The following MAML3 variants were observed in gnomAD, a reference collection of about 807,000 sequenced individuals.
The protein encoded by MAML3 is mastermind like transcriptional coactivator 3, also known as mastermind-like protein 3.
In MAML3, 27 loss-of-function variants were observed where a neutral mutation model predicts 101.9. The ratio of observed to expected loss-of-function variants is 0.27; its 90% CI spans 0.20 to 0.37. The LOEUF is 0.37. Ranked by LOEUF, MAML3 falls within the 10% of genes least tolerant of loss-of-function variation. MAML3 has a pLI of 1.00. For missense variants in MAML3, 1,316 were observed against 1,444.9 expected (o/e 0.91, Z 1.45); for synonymous variants, 501 against 555.9 (o/e 0.90, Z 1.39).
At chr4:139,883,724 G>T (rs1401067177) in intron 2 of MAML3, among the ~76,000 whole-genome samples, 2 of 152,074 alleles carry the variant, frequency 1.3e-5, no homozygotes, top group Non-Finnish European at 2.9e-5. Flanking sequence ...TGGCGTGGGT[G>T]AGGCAGGAGA....
intron 2 of MAML3, among the ~76,000 whole-genome samples, chr4:139,869,316 C>T (rs563896227): frequency 6.6e-6 from 1 of 152,280 alleles, no homozygotes; most frequent in East Asian, 1.9e-4. Context: ...TTAGATCCAT[C>T]GAGCTGCGGA....
intron 2 of MAML3, among the ~76,000 whole-genome samples, chr4:139,782,257 C>T (rs1254164841): frequency 5.3e-5 from 8 of 152,164 alleles, no homozygotes; most frequent in Non-Finnish European, 1.2e-4. Context: ...CAAACTTCTG[C>T]ACTCAAGCAG....
intron 1 of MAML3, among the ~76,000 whole-genome samples, chr4:139,909,242 T>A (rs1359687869): frequency 6.6e-6 from 1 of 152,188 alleles, no homozygotes; most frequent in Non-Finnish European, 1.5e-5. Context: ...ATTAGTCAGA[T>A]TATGTCTATA....
chr4:140,065,390 G>T (rs1184250040), intron 1 of MAML3, among the ~76,000 whole-genome samples: 2 of 151,802 alleles, frequency 1.3e-5, no homozygotes, highest in Non-Finnish European at 2.9e-5. Flanking sequence ...GTACATATCA[G>T]CTGGCTCTAC....
chr4:139,890,097 C>T lies in MAML3; in HGVS notation c.1339G>A (p.Val447Met). The change falls in exon 2 of 5, where the codon GTG becomes ATG. Residue 447 changes from valine to methionine, a missense_variant. Physicochemically the swap from Val to Met is conservative, Grantham distance 21 (BLOSUM62 1). Transcript: ENST00000509479. This position sits in a 1 kb window ranked among gnomAD's most constrained non-coding sequence, Gnocchi z 4.1. ...GYLLNPAAVT[V>M]AGSASGPVAV... ...ACAGGCCCTGACGCTGAACCGGCCACTGTCACTGCTGCCGGATTCAGGAGA... is the reference window on the plus strand; with the variant it reads ...ACAGGCCCTGACGCTGAACCGGCCATTGTCACTGCTGCCGGATTCAGGAGA... 6.2e-7 allele frequency: 1 copy of T among 1,613,704 alleles called. No individual in the cohort carries two copies. Among genetic ancestry groups the T allele is most frequent in the South Asian group, 1.1e-5 (1 of 91,076 alleles).
intron 1 of MAML3, among the ~76,000 whole-genome samples, chr4:140,058,373 T>C (rs1727388767): frequency 6.6e-6 from 1 of 152,042 alleles, no homozygotes; most frequent in African/African-American, 2.4e-5. Flanking sequence ...ATTACAGGCA[T>C]GAGCCACCGT....
intron 1 of MAML3, among the ~76,000 whole-genome samples, chr4:140,151,242 G>A (rs1560909694): frequency 6.6e-6 from 1 of 152,062 alleles, no homozygotes; most frequent in South Asian, 2.1e-4. Context: ...GAGGAGGAGG[G>A]AAGGTGCTGC....
intron 2 of MAML3, among the ~76,000 whole-genome samples, chr4:139,736,034 G>A (rs1728929772): frequency 6.6e-6 from 1 of 152,164 alleles, no homozygotes. Context: ...ATTGTTCGTG[G>A]CAGGAAAGAG....
At chr4:139,982,183 A>G (rs1488163449) in intron 1 of MAML3, among the ~76,000 whole-genome samples, 1 of 152,214 alleles carries the variant, frequency 6.6e-6, no homozygotes, top group Non-Finnish European at 1.5e-5. Flanking sequence ...TTATACCAGT[A>G]TAGATTCATG....
intron 2 of MAML3, among the ~76,000 whole-genome samples, chr4:139,775,752 T>C (rs996494769): frequency 6.6e-5 from 10 of 152,216 alleles, no homozygotes; most frequent in African/African-American, 2.4e-4. Flanking sequence ...AAACTGTTGC[T>C]ATCATCTGCT....
At chr4:140,111,882 G>GC (rs1728444090) in intron 1 of MAML3, among the ~76,000 whole-genome samples, 1 of 152,096 alleles carries the variant, frequency 6.6e-6, no homozygotes, top group African/African-American at 2.4e-5. Context: ...CATGTCAGTG[G>GC]CCCCAACCCT....
chr4:139,852,567 C>A (rs2111157180), intron 2 of MAML3, among the ~76,000 whole-genome samples: 1 of 152,078 alleles, frequency 6.6e-6, no homozygotes, highest in South Asian at 2.1e-4. Flanking sequence ...CACCTGCCAT[C>A]ATGTCTGGCT....
chr4:139,892,602 CA>C (rs58824343), intron 1 of MAML3, among the ~76,000 whole-genome samples: 26,449 of 139,614 alleles, frequency 0.19, 3,574 homozygotes, highest in African/African-American at 0.42. Flanking sequence ...CCACATTTTC[CA>C]AAAAAAAAAA....
At chr4:140,034,807 C>G (rs1475593632) in intron 1 of MAML3, among the ~76,000 whole-genome samples, 2 of 152,182 alleles carry the variant, frequency 1.3e-5, no homozygotes, top group Non-Finnish European at 2.9e-5. Context: ...CCCTGCTTGT[C>G]TAATTCCAGG....
chr4:140,101,461 C>T (rs1238220882), intron 1 of MAML3, among the ~76,000 whole-genome samples: 1 of 152,114 alleles, frequency 6.6e-6, no homozygotes, highest in Non-Finnish European at 1.5e-5. Flanking sequence ...CAGATAAGTT[C>T]AGTTTACCCA....
chr4:139,989,257 G>A (rs984700605), intron 1 of MAML3, among the ~76,000 whole-genome samples: 1 of 152,134 alleles, frequency 6.6e-6, no homozygotes, highest in South Asian at 2.1e-4. Context: ...TAACAAAAGT[G>A]TTGCTAATAA....
At chr4:139,867,208 G>C (rs1731913673) in intron 2 of MAML3, among the ~76,000 whole-genome samples, 1 of 152,050 alleles carries the variant, frequency 6.6e-6, no homozygotes, top group Non-Finnish European at 1.5e-5. Context: ...TACCCTCTTG[G>C]ACCTAAACCA....
In MAML3 at chr4:139,890,160, T is replaced by C; in HGVS notation, c.1276A>G (p.Thr426Ala). Reference sequence around the variant, plus strand: ...GGCCGAGGTGGAGCTTGGCCTGGAGTGTGGGCTTGGTTTGGAGTTTGAGGG... The same window carrying C: ...GGCCGAGGTGGAGCTTGGCCTGGAGCGTGGGCTTGGTTTGGAGTTTGAGGG... ...QSPQTPNQAH[T>A]PGQAPPRPGN... The change falls in exon 2 of 5, where the codon ACT (threonine) becomes GCT (alanine). Residue 426 changes from threonine (T) to alanine (A), a missense_variant. Physicochemically the swap from Thr to Ala is moderately conservative, Grantham distance 58. Coordinates refer to ENST00000509479, the MANE Select transcript of MAML3 (RefSeq NM_018717.5). This position sits in a 1 kb window ranked among gnomAD's most constrained non-coding sequence, Gnocchi z 4.1. The C allele has an allele frequency of 6.2e-7, 1 of 1,612,670 alleles. No individual in the cohort carries two copies. Among genetic ancestry groups the C allele is most frequent in the African/African-American group, 1.3e-5 (1 of 74,648 alleles).
chr4:139,908,447 A>G lies in MAML3; in HGVS notation c.469-17480T>C, dbSNP rs531339877. On this transcript the variant is annotated intron_variant, in intron 1 of 4. Transcript: ENST00000509479. ...ATAAAAGCTTACTGTGTAAAAGAAT[A>G]GGTATAATAAAGGTTATAAGGGGAA... Among the ~76,000 whole-genome samples, 7 of 152,366 alleles carry G rather than the reference A, an allele frequency of 4.6e-5. No homozygotes were observed. The South Asian group carries it at 1.5e-3, about 32-fold the overall frequency.
Sources: allele counts gnomAD v4.1 joint callset (sites outside exome capture counted in the v4.1 genomes callset), GRCh38; gene constraint gnomAD v4.1.1; non-coding constraint Gnocchi (gnomAD v3.1); transcripts MANE v1.5; gene names NCBI Gene and HGNC (gene_info 2026-07-23, HGNC 2026-07-21).